The following PDPR variants were observed in gnomAD, a reference collection of about 807,000 sequenced individuals.
The protein encoded by PDPR is pyruvate dehydrogenase phosphatase regulatory subunit, mitochondrial.
Under a neutral mutation model 102.2 loss-of-function variants are expected in PDPR, and 50 were observed. The observed-to-expected ratio is 0.49, with a 90% CI of 0.39 to 0.62. The LOEUF is 0.62. Ranked by LOEUF, PDPR falls within the 20% of genes least tolerant of loss-of-function variation. PDPR has a pLI of 0.00. For missense variants in PDPR, 625 were observed against 1,098.2 expected (o/e 0.57, Z 6.09); for synonymous variants, 259 against 406.0 (o/e 0.64, Z 4.35).
At chr16:70,156,442 G>T (rs374728579) in intron 18 of PDPR, 33 bp from the exon 19 acceptor site, 1 of 1,607,822 alleles carries the variant, frequency 6.2e-7, no homozygotes. Flanking sequence ...TCTGAGTGTC[G>T]CTGGATGACT....
chr16:70,128,243 T>G (rs1964178975), intron 4 of PDPR, among the ~76,000 whole-genome samples: 1 of 152,218 alleles, frequency 6.6e-6, no homozygotes, highest in African/African-American at 2.4e-5. Context: ...TTTCTTTTTT[T>G]TAAAGACAAA....
intron 16 of PDPR, 106 bp from the exon 17 acceptor site, chr16:70,148,358 T>C: frequency 1.1e-6 from 1 of 874,994 alleles, no homozygotes; most frequent in Non-Finnish European, 1.9e-6. Context: ...TCTGTCTCCC[T>C]CAACAGTAAA....
At position 70,153,589 on chromosome 16, in the gene PDPR, A is replaced by T; in HGVS notation, c.2235+16A>T. 1.3e-6 allele frequency: 2 copies of T among 1,582,830 alleles called. No individual in the cohort carries two copies. The highest frequency in any genetic ancestry group is 1.7e-6 in the Non-Finnish European group (2 of 1,165,412). ...ATTAGAGAAGGTACTGTGTTTACCC[A>T]GACTCCACTTTCACTCAGCATCCCG... On this transcript the variant is annotated intron_variant, in intron 18 of 18. Coordinates refer to ENST00000288050, the MANE Select transcript of PDPR (RefSeq NM_017990.5).
chr16:70,126,698 CT>C (rs1389064348), intron 3 of PDPR, among the ~76,000 whole-genome samples: 1 of 152,196 alleles, frequency 6.6e-6, no homozygotes, highest in Non-Finnish European at 1.5e-5. Context: ...TTATTTTTAT[CT>C]TTTTTTGGTA....
intron 3 of PDPR, among the ~76,000 whole-genome samples, chr16:70,121,100 CTT>C (rs1963218580): frequency 6.6e-6 from 1 of 152,020 alleles, no homozygotes; most frequent in South Asian, 2.1e-4. Context: ...ACATTTTAGA[CTT>C]TGACAAAAAT....
intron 16 of PDPR, 125 bp downstream of exon 16, chr16:70,146,353 A>C (rs1468879006): frequency 6.9e-7 from 1 of 1,456,970 alleles, no homozygotes; most frequent in Non-Finnish European, 9.3e-7. Flanking sequence ...GTGAGGTGGC[A>C]CATGCCTGTA....
intron 10 of PDPR, among the ~76,000 whole-genome samples, chr16:70,137,878 A>G (rs1965310667): frequency 1.3e-5 from 2 of 152,268 alleles, no homozygotes; most frequent in African/African-American, 2.4e-5. Flanking sequence ...GATGAGGCTT[A>G]TAACTTTTTT....
chr16:70,116,701 C>T (rs1055673915), intron 2 of PDPR, among the ~76,000 whole-genome samples: 2 of 151,822 alleles, frequency 1.3e-5, no homozygotes, highest in African/African-American at 2.4e-5. Context: ...CCACCACACC[C>T]AGCTAATTTT....
intron 3 of PDPR, among the ~76,000 whole-genome samples, chr16:70,124,373 T>A (rs1429268535): frequency 8.5e-5 from 13 of 152,212 alleles, no homozygotes; most frequent in Non-Finnish European, 1.5e-5. Context: ...AAAATAATAG[T>A]TATTATTATG....
chr16:70,150,301 A>C (rs538733658), intron 17 of PDPR, among the ~76,000 whole-genome samples: 2 of 150,522 alleles, frequency 1.3e-5, no homozygotes, highest in South Asian at 4.2e-4. Flanking sequence ...ACAGGATTTC[A>C]CCATGTTGGC....
In PDPR at chr16:70,162,107, C is replaced by T. The variant is rs927044144; in HGVS notation, c.*5228C>T. On this transcript the variant is annotated 3_prime_UTR_variant, in exon 19 of 19. Coordinates refer to ENST00000288050, the MANE Select transcript of PDPR (RefSeq NM_017990.5). ...TCATCTCGGTGTGTGGGTTCCCATC[C>T]GCCCCACATAGCCTCTCCTTCTTCG... is the stretch of plus-strand genomic sequence containing the variant. 3.9e-5 allele frequency: 6 copies of T among 152,442 alleles called. No homozygotes were observed. Among genetic ancestry groups the T allele is most frequent in the African/African-American group, 9.7e-5 (4 of 41,448 alleles). 9.4% of individuals were successfully genotyped at this position (152,442 alleles called of 1,614,324 possible).
At chr16:70,119,540 C>G (rs974750897) in intron 2 of PDPR, among the ~76,000 whole-genome samples, 1 of 149,100 alleles carries the variant, frequency 6.7e-6, no homozygotes, top group East Asian at 1.9e-4. Context: ...CTCCCCGTGT[C>G]GTGTACATGC....
At chr16:70,151,228 C>A (rs1966714578) in intron 17 of PDPR, among the ~76,000 whole-genome samples, 1 of 152,270 alleles carries the variant, frequency 6.6e-6, no homozygotes, top group Non-Finnish European at 1.5e-5. Context: ...GCCACCGCAC[C>A]CGGCCTATTT....
At position 70,133,950 on chromosome 16, in the gene PDPR, T is replaced by G. The variant is rs1454597518; in HGVS notation, c.997+1650T>G. On this transcript the variant is annotated intron_variant, in intron 9 of 18. Coordinates refer to ENST00000288050, the MANE Select transcript of PDPR (RefSeq NM_017990.5). ...GTTTCTCCATGTTGGTCAGGCTGGT[T>G]TCGAACTCCTGACCTCAGGAGATCT... Among the ~76,000 whole-genome samples the G allele has an allele frequency of 2.0e-5, 3 of 150,514 alleles. No homozygotes were observed. The East Asian group carries it at 6.1e-4, about 31-fold the overall frequency.
rs557150273 is a variant in PDPR at position 70,144,041 on chromosome 16, G to A, written c.1755-380G>A. Among the ~76,000 whole-genome samples, 119 of 152,244 alleles carry A rather than the reference G, an allele frequency of 7.8e-4. No individual in the cohort carries two copies. In the South Asian group the frequency reaches 0.023, roughly 30 times the overall value. Reference sequence around the variant, plus strand: ...CAGGTAGCTGGGACCACAGGTACACGCCACCACACCCAGCCAGTTTTTGTA... The same window carrying A: ...CAGGTAGCTGGGACCACAGGTACACACCACCACACCCAGCCAGTTTTTGTA... On this transcript the variant is annotated intron_variant, in intron 14 of 18. Transcript: ENST00000288050.
At chr16:70,119,282 A>G (rs187018286) in intron 2 of PDPR, among the ~76,000 whole-genome samples, 8 of 152,026 alleles carry the variant, frequency 5.3e-5, no homozygotes, top group African/African-American at 1.9e-4. Context: ...TTATAATTCT[A>G]CCATCCGCTC....
At chr16:70,151,045 C>T (rs569262992) in intron 17 of PDPR, among the ~76,000 whole-genome samples, 1 of 152,374 alleles carries the variant, frequency 6.6e-6, no homozygotes, top group African/African-American at 2.4e-5. Context: ...AGCGATTCTC[C>T]TGCCTCAGCC....
At chr16:70,129,644 C>T (rs1437288010) in intron 6 of PDPR, among the ~76,000 whole-genome samples, 1 of 152,278 alleles carries the variant, frequency 6.6e-6, no homozygotes, top group Non-Finnish European at 1.5e-5. Context: ...CCACTGTGCC[C>T]TGCCAATTAA....
chr16:70,154,723 A>G (rs572969835), intron 18 of PDPR, among the ~76,000 whole-genome samples: 25 of 152,346 alleles, frequency 1.6e-4, no homozygotes, highest in Admixed American at 1.0e-3. Flanking sequence ...GCTCACTGCA[A>G]TGCCCTCTCA....
Sources: gnomAD v4.1 joint callset for allele counts (sites outside exome capture counted in the v4.1 genomes callset) on GRCh38, gnomAD v4.1.1 for gene constraint, MANE v1.5 for transcripts, NCBI Gene and HGNC (gene_info 2026-07-23, HGNC 2026-07-21) for gene names.